The following LAPTM4B variants were observed in gnomAD, a reference collection of about 807,000 sequenced individuals.
The protein encoded by LAPTM4B is lysosomal protein transmembrane 4 beta.
LAPTM4B carries 26 observed loss-of-function variants against 28.5 expected under a neutral mutation model. The ratio of observed to expected loss-of-function variants is 0.91; its 90% confidence interval spans 0.67 to 1.27. The LOEUF is 1.27. Ranked by LOEUF, LAPTM4B falls within the 50% of genes most tolerant of loss-of-function variation. LAPTM4B has a pLI of 0.00. For missense variants in LAPTM4B, 288 were observed against 285.8 expected (o/e 1.01, Z -0.06); for synonymous variants, 109 against 106.4 (o/e 1.02, Z -0.15).
Position 97,852,858 on chromosome 8 carries a change from G to T in LAPTM4B, c.*1384G>T, listed in dbSNP as rs1817550540. 1 of 347,290 alleles carries T rather than the reference G, an allele frequency of 2.9e-6. No homozygotes were observed. Among genetic ancestry groups the T allele is most frequent in the Non-Finnish European group, 5.2e-6 (1 of 191,672 alleles). The allele number at this position is 347,290 out of a possible 1,614,324, so 21.5% of individuals were successfully genotyped here. On this transcript the variant is annotated 3_prime_UTR_variant, in exon 7 of 7. Coordinates refer to ENST00000521545, the MANE Select transcript of LAPTM4B (RefSeq NM_018407.6). ...AAAAGTACTTGTCAGGGATTTTCAA[G>T]CTTTTGCTCAAGTAATTACTATGAA...
intron 6 of LAPTM4B, among the ~76,000 whole-genome samples, chr8:97,826,784 C>G (rs1467810930): frequency 1.3e-5 from 2 of 152,228 alleles, no homozygotes; most frequent in South Asian, 4.1e-4. Context: ...GCCAGGATTA[C>G]AGATGTGAGC....
chr8:97,843,780 C>CAAATAAATAAATAAATAAATAAAT, intron 6 of LAPTM4B, among the ~76,000 whole-genome samples: 1 of 149,006 alleles, frequency 6.7e-6, no homozygotes, highest in East Asian at 2.0e-4. Context: ...AACTCCATCT[C>CAAATAAATAAATAAATAAATAAAT]AAATAAATAA....
chr8:97,833,167 C>T (rs1817210795), intron 6 of LAPTM4B, among the ~76,000 whole-genome samples: 3 of 151,916 alleles, frequency 2.0e-5, no homozygotes, highest in Admixed American at 1.3e-4. Flanking sequence ...AAACCCGTTA[C>T]TCCTAAAAAT....
chr8:97,846,257 G>A (rs1311576727), intron 6 of LAPTM4B, among the ~76,000 whole-genome samples: 1 of 151,546 alleles, frequency 6.6e-6, no homozygotes, highest in Admixed American at 6.6e-5. Context: ...AGCAACAGTA[G>A]AATTCTAAAT....
intron 6 of LAPTM4B, among the ~76,000 whole-genome samples, chr8:97,848,216 C>T (rs576434412): frequency 1.3e-5 from 2 of 152,228 alleles, no homozygotes; most frequent in South Asian, 2.1e-4. Context: ...CAGCCGAGAT[C>T]GCGCCACTGC....
At chr8:97,796,384 C>T (rs1816583817) in intron 1 of LAPTM4B, among the ~76,000 whole-genome samples, 1 of 152,156 alleles carries the variant, frequency 6.6e-6, no homozygotes, top group African/African-American at 2.4e-5. Flanking sequence ...AAGTATGAGC[C>T]ACTGTGCTTG....
At chr8:97,776,133 G>T (rs779018262) in intron 1 of LAPTM4B, 25 bp downstream of exon 1, 8 of 1,486,288 alleles carry the variant, frequency 5.4e-6, no homozygotes, top group Middle Eastern at 2.2e-4. Context: ...CCCGGCCCGG[G>T]ACCCTGCGTT....
chr8:97,814,514 ACT>A (rs1459295649), intron 2 of LAPTM4B, among the ~76,000 whole-genome samples: 1 of 151,642 alleles, frequency 6.6e-6, no homozygotes, highest in African/African-American at 2.4e-5. Flanking sequence ...ACAGAGTGAG[ACT>A]CTGTCTCAAA....
chr8:97,821,467 G>A (rs1359621353), intron 5 of LAPTM4B, among the ~76,000 whole-genome samples: 3 of 152,018 alleles, frequency 2.0e-5, no homozygotes, highest in Non-Finnish European at 4.4e-5. Context: ...TGGAGGCTGC[G>A]AAGGCCCTGA....
Position 97,775,811 on chromosome 8 carries a change from C to T in LAPTM4B, c.-199C>T, listed in dbSNP as rs749576484. 11 of 1,568,246 alleles carry T rather than the reference C, an allele frequency of 7.0e-6. No individual in the cohort carries two copies. In the South Asian group the frequency reaches 1.1e-4, roughly 16 times the overall value. On this transcript the variant is annotated 5_prime_UTR_variant, in exon 1 of 7. Coordinates refer to ENST00000521545, the MANE Select transcript of LAPTM4B (RefSeq NM_018407.6). ...CCGTCCCCGCCGCTGCAGCGGTCGCCTTCGGAGCGAAGGGTACCGACCCGG... is the reference window on the plus strand; with the variant it reads ...CCGTCCCCGCCGCTGCAGCGGTCGCTTTCGGAGCGAAGGGTACCGACCCGG...
chr8:97,809,699 C>G (rs554877759), intron 2 of LAPTM4B, among the ~76,000 whole-genome samples: 1 of 152,154 alleles, frequency 6.6e-6, no homozygotes, highest in East Asian at 1.9e-4. Context: ...GACCCTGTCT[C>G]AAATTAAAAA....
rs775638034 is a variant in LAPTM4B at position 97,819,253 on chromosome 8, T to C, written c.507+15T>C. The C allele has an allele frequency of 5.5e-6, 8 of 1,456,564 alleles. No individual in the cohort carries two copies. The highest frequency in any genetic ancestry group is 1.8e-5 in the Admixed American group (1 of 55,466). 90.2% of individuals were successfully genotyped at this position (1,456,564 alleles called of 1,614,324 possible). A position where few individuals can be genotyped will look rare whatever the true frequency, so the allele number is the denominator to read the frequency against. ...TGACTTTTAAGGTAAGCATGAAGAT[T>C]TTACTTATAGTCTAAAAATATTAAG... On this transcript the variant is annotated intron_variant, in intron 5 of 6. Transcript: ENST00000521545.
intron 1 of LAPTM4B, among the ~76,000 whole-genome samples, chr8:97,789,334 A>G (rs1450482098): frequency 6.6e-6 from 1 of 150,600 alleles, no homozygotes; most frequent in African/African-American, 2.4e-5. Context: ...TTGGCCTCCC[A>G]AAGTGCTGGG....
At chr8:97,808,377 G>T (rs191011314) in intron 2 of LAPTM4B, among the ~76,000 whole-genome samples, 10 of 151,848 alleles carry the variant, frequency 6.6e-5, no homozygotes, top group Non-Finnish European at 2.9e-5. Flanking sequence ...AACCTGGGAG[G>T]GGGGAGTTTG....
chr8:97,828,594 G>A (rs1015700315), intron 6 of LAPTM4B, among the ~76,000 whole-genome samples: 1 of 152,138 alleles, frequency 6.6e-6, no homozygotes, highest in Non-Finnish European at 1.5e-5. Flanking sequence ...CGTATACAAG[G>A]CCTGATTGAT....
chr8:97,842,398 C>G lies in LAPTM4B; in HGVS notation c.604-8999C>G, dbSNP rs545419863. 1.4e-4 allele frequency among the ~76,000 whole-genome samples: 22 copies of G among 152,318 alleles called. No homozygotes were observed. The East Asian group carries it at 1.5e-3, about 11-fold the overall frequency. On this transcript the variant is annotated intron_variant, in intron 6 of 6. Coordinates refer to ENST00000521545, the MANE Select transcript of LAPTM4B (RefSeq NM_018407.6). ...TTCTAGGCAACTGTAGGACAGCTATCTGAAACATTCCAGATTGTTCAGTAG... is the reference window on the plus strand; with the variant it reads ...TTCTAGGCAACTGTAGGACAGCTATGTGAAACATTCCAGATTGTTCAGTAG...
chr8:97,847,986 G>A (rs1309182425), intron 6 of LAPTM4B, among the ~76,000 whole-genome samples: 1 of 152,192 alleles, frequency 6.6e-6, no homozygotes, highest in African/African-American at 2.4e-5. Flanking sequence ...AGTACTGGCT[G>A]GGCATGGTGG....
chr8:97,839,467 A>G (rs1817312780), intron 6 of LAPTM4B, among the ~76,000 whole-genome samples: 1 of 152,180 alleles, frequency 6.6e-6, no homozygotes, highest in South Asian at 2.1e-4. Context: ...TGCTGGGATT[A>G]CAGGCGTGAA....
intron 6 of LAPTM4B, among the ~76,000 whole-genome samples, chr8:97,840,767 G>C (rs576137592): frequency 1.3e-5 from 2 of 152,018 alleles, no homozygotes; most frequent in South Asian, 4.1e-4. Context: ...CGGCCGGGCA[G>C]AGGTGCTCCT....
Sources: allele counts gnomAD v4.1 joint callset (sites outside exome capture counted in the v4.1 genomes callset), GRCh38; gene constraint gnomAD v4.1.1; transcripts MANE v1.5; gene names NCBI Gene and HGNC (gene_info 2026-07-23, HGNC 2026-07-21).